The following VEPH1 variants were observed in gnomAD, a reference collection of about 807,000 sequenced individuals.
The protein encoded by VEPH1 is ventricular zone-expressed PH domain-containing protein homolog 1.
Under a neutral mutation model 85.2 loss-of-function variants are expected in VEPH1, and 80 were observed. The observed-to-expected ratio is 0.94, with a 90% CI of 0.78 to 1.13. VEPH1 has a LOEUF of 1.13. Ranked by LOEUF, VEPH1 falls within the 50% of genes most tolerant of loss-of-function variation. VEPH1 has a pLI of 0.00. For missense variants in VEPH1, 955 were observed against 980.5 expected (o/e 0.97, Z 0.35); for synonymous variants, 297 against 348.0 (o/e 0.85, Z 1.63).
In VEPH1 at chr3:157,312,397, T is replaced by C. The variant is rs188242159; in HGVS notation, c.2010+1224A>G. 1.0e-3 allele frequency among the ~76,000 whole-genome samples: 157 copies of C among 152,324 alleles called. 1 individual carries two copies. The highest frequency in any genetic ancestry group is 3.7e-3 in the African/African-American group (153 of 41,568). On this transcript the variant is annotated intron_variant, in intron 11 of 13. Coordinates refer to ENST00000362010, the MANE Select transcript of VEPH1 (RefSeq NM_001167912.2). ...CCTTGAGCAATCCAGTCTTCTGCCATGACAGTAAGTGCTAGCTTGTGACTC... is the reference window on the plus strand; with the variant it reads ...CCTTGAGCAATCCAGTCTTCTGCCACGACAGTAAGTGCTAGCTTGTGACTC...
At chr3:157,299,018 G>A (rs1473667249) in intron 11 of VEPH1, among the ~76,000 whole-genome samples, 1 of 152,146 alleles carries the variant, frequency 6.6e-6, no homozygotes, top group East Asian at 1.9e-4. Context: ...TTTTGAAATA[G>A]TGTTAAGTGT....
At chr3:157,368,787 G>C (rs1047890796) in intron 7 of VEPH1, among the ~76,000 whole-genome samples, 23 of 152,148 alleles carry the variant, frequency 1.5e-4, no homozygotes, top group African/African-American at 5.1e-4. Flanking sequence ...CACCGAGCCT[G>C]GCTAACAGTA....
At chr3:157,433,688 T>A (rs1398325298) in intron 4 of VEPH1, among the ~76,000 whole-genome samples, 1 of 152,228 alleles carries the variant, frequency 6.6e-6, no homozygotes, top group African/African-American at 2.4e-5. Flanking sequence ...GCAGTTTTCC[T>A]TTCTTGTATT....
At chr3:157,449,145 TG>T (rs1734763710) in intron 4 of VEPH1, among the ~76,000 whole-genome samples, 1 of 152,204 alleles carries the variant, frequency 6.6e-6, no homozygotes, top group Non-Finnish European at 1.5e-5. Context: ...AGCATGAAAA[TG>T]GACTAATACA....
intron 9 of VEPH1, among the ~76,000 whole-genome samples, chr3:157,318,034 T>G (rs942651714): frequency 6.6e-6 from 1 of 152,208 alleles, no homozygotes; most frequent in African/African-American, 2.4e-5. Context: ...TGTGACTGTG[T>G]TGTTCCCTCT....
At chr3:157,302,907 A>T in intron 11 of VEPH1, among the ~76,000 whole-genome samples, 1 of 94,632 alleles carries the variant, frequency 1.1e-5, no homozygotes, top group Non-Finnish European at 2.0e-5. Flanking sequence ...ATCCACTGTG[A>T]TACAGGAGGA....
chr3:157,495,571 T>A (rs1739600133), intron 1 of VEPH1, 65 bp from the exon 2 acceptor site: 1 of 1,090,620 alleles, frequency 9.2e-7, no homozygotes, highest in Non-Finnish European at 1.2e-6. Flanking sequence ...GAATGTGAAC[T>A]CAGTGTCCAG....
intron 7 of VEPH1, 147 bp from the exon 8 acceptor site, chr3:157,364,659 G>A: frequency 1.4e-6 from 1 of 720,926 alleles, no homozygotes; most frequent in Non-Finnish European, 2.2e-6. Context: ...ATTTACTGCA[G>A]GCATAGGTCT....
At chr3:157,379,834 G>T (rs193080291) in intron 7 of VEPH1, among the ~76,000 whole-genome samples, 265 of 152,266 alleles carry the variant, frequency 1.7e-3, no homozygotes, top group Non-Finnish European at 3.2e-3. Context: ...TTTAGTCATT[G>T]TGTAACATTG....
At chr3:157,292,296 C>A (rs1717575359) in intron 11 of VEPH1, among the ~76,000 whole-genome samples, 1 of 152,144 alleles carries the variant, frequency 6.6e-6, no homozygotes, top group Non-Finnish European at 1.5e-5. Context: ...AATCCTATGT[C>A]TTTCAAAGCA....
chr3:157,375,552 T>C (rs755248231), intron 7 of VEPH1, among the ~76,000 whole-genome samples: 2 of 152,198 alleles, frequency 1.3e-5, no homozygotes, highest in African/African-American at 2.4e-5. Flanking sequence ...ATTTCTTTGA[T>C]GTTCATTGCA....
chr3:157,284,270 A>G (rs562932991), intron 12 of VEPH1, among the ~76,000 whole-genome samples: 55 of 152,342 alleles, frequency 3.6e-4, no homozygotes, highest in African/African-American at 1.3e-3. Context: ...TAAAAGAAGT[A>G]TGCTAGATTT....
At chr3:157,422,699 C>T (rs1732437810) in intron 5 of VEPH1, among the ~76,000 whole-genome samples, 1 of 152,226 alleles carries the variant, frequency 6.6e-6, no homozygotes, top group Non-Finnish European at 1.5e-5. Context: ...CTCATTTGTG[C>T]TCTGGAATAC....
chr3:157,406,669 A>T (rs1451460056), intron 6 of VEPH1, among the ~76,000 whole-genome samples: 1 of 131,728 alleles, frequency 7.6e-6, no homozygotes. Flanking sequence ...GGGGCATGCT[A>T]TTTGATTCTT....
In VEPH1 at chr3:157,474,542, C is replaced by T. The variant is rs142564743; in HGVS notation, c.139-4013G>A. 3.3e-5 allele frequency among the ~76,000 whole-genome samples: 5 copies of T among 152,268 alleles called. No individual in the cohort carries two copies. In the South Asian group the frequency reaches 6.2e-4, roughly 19 times the overall value. ...GAAATAATTTAGTAGCATCATTCAA[C>T]GATTCTTAATAGTAAAAAATATGCC... On this transcript the variant is annotated intron_variant, in intron 2 of 13. Transcript: ENST00000362010.
At position 157,280,346 on chromosome 3, in the gene VEPH1, T is replaced by C. The variant is rs1457253364; in HGVS notation, c.2128+6211A>G. Among the ~76,000 whole-genome samples the C allele has an allele frequency of 2.6e-5, 4 of 152,170 alleles. No homozygotes were observed. The South Asian group carries it at 6.2e-4, about 24-fold the overall frequency. On this transcript the variant is annotated intron_variant, in intron 12 of 13. Coordinates refer to ENST00000362010, the MANE Select transcript of VEPH1 (RefSeq NM_001167912.2). ...ATGTGGAAAAGGACACATTACTACG[T>C]ATAGTGATTTGTTAGTGGATAATCA...
chr3:157,482,744 T>C (rs1738236195), intron 2 of VEPH1, among the ~76,000 whole-genome samples: 1 of 152,158 alleles, frequency 6.6e-6, no homozygotes, highest in African/African-American at 2.4e-5. Context: ...TTTAGTTTTT[T>C]GCAGCTATTG....
At chr3:157,489,539 A>G (rs1004901802) in intron 2 of VEPH1, among the ~76,000 whole-genome samples, 1 of 152,118 alleles carries the variant, frequency 6.6e-6, no homozygotes, top group East Asian at 1.9e-4. Context: ...TTGTCTCAGT[A>G]TGGACTACCT....
intron 9 of VEPH1, among the ~76,000 whole-genome samples, chr3:157,323,497 A>G (rs1039601637): frequency 1.3e-5 from 2 of 152,224 alleles, no homozygotes; most frequent in Non-Finnish European, 2.9e-5. Flanking sequence ...TCTATTTACA[A>G]CAGTATTAGT....
Sources: gnomAD v4.1 joint callset for allele counts (sites outside exome capture counted in the v4.1 genomes callset) on GRCh38, gnomAD v4.1.1 for gene constraint, MANE v1.5 for transcripts, NCBI Gene and HGNC (gene_info 2026-07-23, HGNC 2026-07-21) for gene names.